The following ACLY variants were observed in gnomAD, a reference collection of about 807,000 sequenced individuals.
The protein encoded by ACLY is ATP citrate lyase, also known as ATP-citrate synthase.
Under a neutral mutation model 133.0 loss-of-function variants are expected in ACLY, and 41 were observed. That is an observed-to-expected ratio of 0.31 (90% CI 0.24 to 0.40). ACLY has a LOEUF of 0.40. Among genes scored for constraint, ACLY ranks in the 10% least tolerant of loss-of-function variants. The pLI, the probability that ACLY is intolerant of heterozygous loss-of-function variation, is 1.00. For missense variants in ACLY, 1,046 were observed against 1,453.8 expected (o/e 0.72, Z 4.56); for synonymous variants, 495 against 549.3 (o/e 0.90, Z 1.38).
chr17:41,900,069 C>CA lies in ACLY; in HGVS notation c.1184-1285dup, dbSNP rs60296550. Among the ~76,000 whole-genome samples the CA allele has an allele frequency of 5.9e-3, 273 of 46,614 alleles. 60 individuals are homozygous for CA. The highest frequency in any genetic ancestry group is 8.9e-3 in the Admixed American group (22 of 2,462). 30.6% of individuals were successfully genotyped at this position (46,614 alleles called of 152,430 possible). A position where few individuals can be genotyped will look rare whatever the true frequency, so the allele number is the denominator to read the frequency against. On this transcript the variant is annotated intron_variant, in intron 11 of 28. Coordinates refer to ENST00000352035, the MANE Select transcript of ACLY (RefSeq NM_001096.3). Reference sequence around the variant, plus strand: ...GGGTGACAGAGTGAGACCCTGTCTCCAAAAAAAAAAAAAAAAAAAAAAAAA... The same window carrying CA: ...GGGTGACAGAGTGAGACCCTGTCTCCAAAAAAAAAAAAAAAAAAAAAAAAAA...
At chr17:41,918,118 G>A (rs2050102320) in intron 1 of ACLY, among the ~76,000 whole-genome samples, 1 of 152,244 alleles carries the variant, frequency 6.6e-6, no homozygotes, top group Admixed American at 6.5e-5. Flanking sequence ...TGCCAGGCTC[G>A]ACAGGAGGGC....
At chr17:41,900,696 G>C (rs782173785) in intron 11 of ACLY, among the ~76,000 whole-genome samples, 2 of 152,024 alleles carry the variant, frequency 1.3e-5, no homozygotes, top group Non-Finnish European at 2.9e-5. Flanking sequence ...CTGCACTCAA[G>C]TCTGGGTGAC....
chr17:41,900,455 C>T (rs1481214086), intron 11 of ACLY, among the ~76,000 whole-genome samples: 2 of 151,576 alleles, frequency 1.3e-5, no homozygotes, highest in African/African-American at 2.4e-5. Flanking sequence ...TGTAGTGGCT[C>T]ACGTCTATAA....
chr17:41,893,051 G>T lies in ACLY; in HGVS notation c.1583C>A (p.Ala528Asp). The change falls in exon 15 of 29, where the codon GCC becomes GAC. Residue 528 changes from alanine to aspartate, a missense_variant. By Grantham distance (126) the Ala-to-Asp change is moderately radical. Coordinates refer to ENST00000352035, the MANE Select transcript of ACLY (RefSeq NM_001096.3). ...VCSRDEPSVA[A>D]MVYPFTGDHK... The stretch of plus-strand genomic sequence containing the variant: ...AACTCACGTGAAAGGGTAGACCATG[G>T]CAGCCACTGAGGGCTCGTCTCGGGA... 6.2e-7 allele frequency: 1 copy of T among 1,613,686 alleles called. No individual in the cohort carries two copies. The highest frequency in any genetic ancestry group is 2.2e-5 in the East Asian group (1 of 44,862).
Position 41,909,532 on chromosome 17 carries a change from G to C in ACLY, c.514C>G (p.His172Asp), listed in dbSNP as rs1555633275. ...PEDIKKHLLVHAPEDKKEILA... is the reference protein window; with the variant it reads ...PEDIKKHLLVDAPEDKKEILA... ...AACTCTTTCTTGTCTTCAGGGGCGT[G>C]GACCAACAGGTGTTTTTTGATGTCC... The change falls in exon 5 of 29, where the codon CAC becomes GAC. Residue 172 changes from histidine to aspartate, a missense_variant. Physicochemically the swap from His to Asp is moderately conservative, Grantham distance 81. Transcript: ENST00000352035. 12 of 1,614,090 alleles carry C rather than the reference G, an allele frequency of 7.4e-6. No individual in the cohort carries two copies. The highest frequency in any genetic ancestry group is 9.3e-6 in the Non-Finnish European group (11 of 1,180,002).
In ACLY at chr17:41,877,132, ATC is replaced by A. The variant is rs782814336; in HGVS notation, c.2487+969_2487+970del. Among the ~76,000 whole-genome samples, 116 of 150,148 alleles carry A rather than the reference ATC, an allele frequency of 7.7e-4. 1 individual carries two copies. The highest frequency in any genetic ancestry group is 2.8e-3 in the African/African-American group (113 of 40,954). ...CAAAAACAACATGAATATGTTCTCT[ATC>A]TCTCTCTCTCCTTTTTTTTTTTTGA... On this transcript the variant is annotated intron_variant, in intron 22 of 28. Coordinates refer to ENST00000352035, the MANE Select transcript of ACLY (RefSeq NM_001096.3).
chr17:41,893,862 GTGGCTCTT>G (rs1433241745), intron 14 of ACLY, among the ~76,000 whole-genome samples: 3 of 152,134 alleles, frequency 2.0e-5, no homozygotes, highest in African/African-American at 7.2e-5. Flanking sequence ...CTTCTACCAG[GTGGCTCTT>G]TCCTGCTCAG....
chr17:41,913,701 G>C lies in ACLY; in HGVS notation c.159+14C>G. On this transcript the variant is annotated intron_variant, in intron 2 of 28. Transcript: ENST00000352035. The stretch of plus-strand genomic sequence containing the variant: ...GGGCCTGGAAGAAAGGCCCAAAGTG[G>C]AGGCAGGGCTCACCTGGCTGAGCAG... 1 of 1,612,550 alleles carries C rather than the reference G, an allele frequency of 6.2e-7. No homozygotes were observed. The highest frequency in any genetic ancestry group is 8.5e-7 in the Non-Finnish European group (1 of 1,179,330).
intron 24 of ACLY, 35 bp from the exon 25 acceptor site, chr17:41,871,867 T>G (rs1272971134): frequency 2.5e-6 from 4 of 1,611,354 alleles, no homozygotes; most frequent in Admixed American, 3.3e-5. Context: ...GCCTTGAGCT[T>G]TAAGAGTTTC....
At chr17:41,927,238 C>T (rs34421461) in intron 1 of ACLY, among the ~76,000 whole-genome samples, 23,367 of 152,138 alleles carry the variant, frequency 0.15, 1,931 homozygotes, top group East Asian at 0.18. Context: ...GAACATATTC[C>T]TCACCTCCAT....
chr17:41,894,492 T>G (rs925710123), intron 14 of ACLY, among the ~76,000 whole-genome samples: 1 of 148,596 alleles, frequency 6.7e-6, no homozygotes, highest in Admixed American at 6.8e-5. Context: ...GAGACTGAGA[T>G]GGGAGGATCA....
At position 41,889,506 on chromosome 17, in the gene ACLY, G is replaced by C. The variant is rs185253768; in HGVS notation, c.1771-1803C>G. On this transcript the variant is annotated intron_variant, in intron 16 of 28. Coordinates refer to ENST00000352035, the MANE Select transcript of ACLY (RefSeq NM_001096.3). ...TGTACTCACTCTAGCTTGGGTGATG[G>C]AGAAAGGCTCCATTTCACAAAAAAA... Among the ~76,000 whole-genome samples the C allele has an allele frequency of 2.7e-3, 238 of 88,918 alleles. 3 individuals carry two copies. Among genetic ancestry groups the C allele is most frequent in the African/African-American group, 0.011 (229 of 20,188 alleles). 58.3% of individuals were successfully genotyped at this position (88,918 alleles called of 152,430 possible).
Position 41,892,262 on chromosome 17 carries a change from AGAGCCCAGTGAT to A in ACLY, c.1770+5_1770+16del. On this transcript the variant is annotated splice_donor_5th_base_variant and intron_variant, in intron 16 of 28. Coordinates refer to ENST00000352035, the MANE Select transcript of ACLY (RefSeq NM_001096.3). ...TCATGGTCCCCACCCCCCACCCTCC[AGAGCCCAGTGAT>A]CTACCTGGGCATAGTTCATGGTCTC... is the stretch of plus-strand genomic sequence containing the variant. 2.7e-6 allele frequency: 1 copy of A among 374,472 alleles called. No individual in the cohort carries two copies. Among genetic ancestry groups the A allele is most frequent in the East Asian group, 1.2e-4 (1 of 8,038 alleles). The allele number at this position is 374,472 out of a possible 1,614,324, so 23.2% of individuals were successfully genotyped here. A position where few individuals can be genotyped will look rare whatever the true frequency, so the allele number is the denominator to read the frequency against.
At chr17:41,915,393 G>A (rs945986410) in intron 1 of ACLY, among the ~76,000 whole-genome samples, 20 of 152,152 alleles carry the variant, frequency 1.3e-4, no homozygotes, top group African/African-American at 4.6e-4. Flanking sequence ...TGAAGGAGCC[G>A]GCTTGTTTAC....
intron 4 of ACLY, among the ~76,000 whole-genome samples, 183 bp from the exon 5 acceptor site, chr17:41,909,883 G>A (rs1485846161): frequency 1.3e-5 from 2 of 152,162 alleles, no homozygotes; most frequent in Non-Finnish European, 2.9e-5. Context: ...TTTCCCCGAG[G>A]ACAAGAGGAA....
At chr17:41,884,105 C>T in intron 19 of ACLY, 88 bp downstream of exon 19, 1 of 800,558 alleles carries the variant, frequency 1.2e-6, no homozygotes, top group Admixed American at 2.1e-5. Context: ...CTTTAAGTTA[C>T]ATGTAACCAA....
In ACLY at chr17:41,897,667, G is replaced by A. The variant is rs944588922; in HGVS notation, c.1429+82C>T. On this transcript the variant is annotated intron_variant, in intron 13 of 28. Transcript: ENST00000352035. ...TGTTCATCTGCCTCTGCCAGCCCAG[G>A]GGGGAAAGGGAAAGGGGAGAGAGAT... The A allele has an allele frequency of 6.7e-6, 9 of 1,351,684 alleles. No individual in the cohort carries two copies. In the Admixed American group the frequency reaches 1.8e-4, roughly 27 times the overall value. The allele number at this position is 1,351,684 out of a possible 1,614,324, so 83.7% of individuals were successfully genotyped here.
rs2049830890 is a variant in ACLY at position 41,909,496 on chromosome 17, C to G, written c.536+14G>C. On this transcript the variant is annotated intron_variant, in intron 5 of 28. Transcript: ENST00000352035. The stretch of plus-strand genomic sequence containing the variant: ...ATCCGAACTGCCACCTCCCTACCGT[C>G]CCTCTCACTCAACTCTTTCTTGTCT... 1 of 1,612,210 alleles carries G rather than the reference C, an allele frequency of 6.2e-7. No individual in the cohort carries two copies. Among genetic ancestry groups the G allele is most frequent in the South Asian group, 1.1e-5 (1 of 90,946 alleles).
chr17:41,874,061 C>T (rs1157488117), intron 22 of ACLY, 96 bp from the exon 23 acceptor site: 11 of 1,267,306 alleles, frequency 8.7e-6, no homozygotes, highest in Admixed American at 3.5e-5. Flanking sequence ...AACCAAAGCA[C>T]CCCAGGAATG....
Sources: allele counts gnomAD v4.1 joint callset (sites outside exome capture counted in the v4.1 genomes callset), GRCh38; gene constraint gnomAD v4.1.1; transcripts MANE v1.5; gene names NCBI Gene and HGNC (gene_info 2026-07-23, HGNC 2026-07-21).